The following GTF3C3 variants were observed in gnomAD, a reference collection of about 807,000 sequenced individuals.
GTF3C3 encodes general transcription factor IIIC subunit 3.
Under a neutral mutation model 105.2 loss-of-function variants are expected in GTF3C3, and 75 were observed. That is an observed-to-expected ratio of 0.71 (90% CI 0.59 to 0.86). The LOEUF (loss-of-function observed/expected upper bound fraction) is 0.86, where lower values mean the gene tolerates loss of function less well. Ranked by LOEUF, GTF3C3 falls within the 40% of genes least tolerant of loss-of-function variation. The pLI, the probability that GTF3C3 is intolerant of heterozygous loss-of-function variation, is 0.00. For synonymous variants in GTF3C3, 335 were observed against 370.4 expected (o/e 0.90, Z 1.10); for missense variants, 856 against 1,076.5 (o/e 0.80, Z 2.87).
In GTF3C3 at chr2:196,766,735, G is replaced by T. The variant is rs760285841; in HGVS notation, c.2386-18C>A. 1.3e-6 allele frequency: 2 copies of T among 1,592,906 alleles called. No individual in the cohort carries two copies. The highest frequency in any genetic ancestry group is 1.7e-6 in the Non-Finnish European group (2 of 1,166,948). On this transcript the variant is annotated intron_variant, in intron 16 of 17. Transcript: ENST00000263956. The stretch of plus-strand genomic sequence containing the variant: ...GAAAAGCCCTAACCAAAAAGAAAAA[G>T]ATAATTCAATATTTCACTGATTTGA...
chr2:196,795,413 A>G (rs796872405), intron 2 of GTF3C3, among the ~76,000 whole-genome samples: 24 of 152,386 alleles, frequency 1.6e-4, no homozygotes, highest in African/African-American at 5.8e-4. Context: ...AATGAAGAAT[A>G]GATTTTAAAA....
At position 196,789,868 on chromosome 2, in the gene GTF3C3, AT is replaced by A. The variant is rs765507481; in HGVS notation, c.727+10del. On this transcript the variant is annotated intron_variant, in intron 5 of 17. Coordinates refer to ENST00000263956, the MANE Select transcript of GTF3C3 (RefSeq NM_012086.5). Reference sequence around the variant, plus strand: ...CTTGTAAAAGTGAAAAAAAAAAAAAATTTTAATTACCTTTTGTATAGCAAAA... The same window carrying A: ...CTTGTAAAAGTGAAAAAAAAAAAAAATTTAATTACCTTTTGTATAGCAAAA... 162 of 1,511,214 alleles carry A rather than the reference AT, an allele frequency of 1.1e-4. No homozygotes were observed. In the African/African-American group the frequency reaches 1.6e-3, roughly 15 times the overall value. The allele number at this position is 1,511,214 out of a possible 1,614,324, so 93.6% of individuals were successfully genotyped here. A position where few individuals can be genotyped will look rare whatever the true frequency, so the allele number is the denominator to read the frequency against.
intron 9 of GTF3C3, chr2:196,780,356 A>G: frequency 2.5e-6 from 3 of 1,201,814 alleles, no homozygotes; most frequent in Non-Finnish European, 3.2e-6. Context: ...ATTTTAAAAG[A>G]AAAATAAATT....
intron 16 of GTF3C3, among the ~76,000 whole-genome samples, chr2:196,767,168 C>T (rs1237102329): frequency 6.6e-6 from 1 of 152,170 alleles, no homozygotes; most frequent in Admixed American, 6.5e-5. Context: ...GTAAATTTTA[C>T]CTTTTATAAG....
At chr2:196,781,388 A>ATATATATAT (rs10522313) in intron 8 of GTF3C3, among the ~76,000 whole-genome samples, 1 of 126,028 alleles carries the variant, frequency 7.9e-6, no homozygotes, top group African/African-American at 2.9e-5. Context: ...ATATATATAT[A>ATATATATAT]AAATTAAATA....
chr2:196,765,419 A>C (rs533365941), intron 17 of GTF3C3, among the ~76,000 whole-genome samples: 2 of 152,178 alleles, frequency 1.3e-5, no homozygotes, highest in African/African-American at 4.8e-5. Flanking sequence ...TTTAATAAAC[A>C]ATCTCTTAGG....
intron 2 of GTF3C3, among the ~76,000 whole-genome samples, chr2:196,794,219 G>A (rs1285796785): frequency 2.6e-5 from 4 of 152,022 alleles, no homozygotes; most frequent in Admixed American, 6.6e-5. Flanking sequence ...CAACAGATGC[G>A]GTTCCTCTGC....
At position 196,781,358 on chromosome 2, in the gene GTF3C3, AT is replaced by A. The variant is rs1436563762; in HGVS notation, c.1115-697del. Among the ~76,000 whole-genome samples, 236 of 31,880 alleles carry A rather than the reference AT, an allele frequency of 7.4e-3. 2 individuals are homozygous for A. Among genetic ancestry groups the A allele is most frequent in the South Asian group, 0.015 (13 of 870 alleles). The allele number at this position is 31,880 out of a possible 152,430, so 20.9% of individuals were successfully genotyped here. On this transcript the variant is annotated intron_variant, in intron 8 of 17. Coordinates refer to ENST00000263956, the MANE Select transcript of GTF3C3 (RefSeq NM_012086.5). ...TGTTAAGGGGAAAAAAAAAAAAAAA[AT>A]ATATATATATATATATATATATATA...
intron 16 of GTF3C3, among the ~76,000 whole-genome samples, chr2:196,769,403 A>G (rs974164619): frequency 6.6e-6 from 1 of 152,244 alleles, no homozygotes; most frequent in Non-Finnish European, 1.5e-5. Context: ...GTAGTGAACA[A>G]TATTTCTGAT....
chr2:196,779,117 C>G, intron 9 of GTF3C3, 50 bp from the exon 10 acceptor site: 1 of 1,293,938 alleles, frequency 7.7e-7, no homozygotes, highest in African/African-American at 1.5e-5. Context: ...CAAACGTGCA[C>G]ATCTATCTAT....
rs1324156491 is a variant in GTF3C3 at position 196,786,906 on chromosome 2, A to T, written c.894-1318T>A. 6.6e-6 allele frequency among the ~76,000 whole-genome samples: 1 copy of T among 152,138 alleles called. No individual in the cohort carries two copies. Among genetic ancestry groups the T allele is most frequent in the Non-Finnish European group, 1.5e-5 (1 of 68,026 alleles). ...TCATTTTACGTGATCTATCTGCAAT[A>T]TCTCACACAGATGATCATCCCTCCT... On this transcript the variant is annotated intron_variant, in intron 6 of 17. Coordinates refer to ENST00000263956, the MANE Select transcript of GTF3C3 (RefSeq NM_012086.5). The surrounding 1 kb of genome is among the most constrained non-coding windows in gnomAD (Gnocchi z 4.2).
chr2:196,764,949 G>A (rs1300199428), intron 17 of GTF3C3, among the ~76,000 whole-genome samples: 1 of 152,020 alleles, frequency 6.6e-6, no homozygotes, highest in African/African-American at 2.4e-5. Flanking sequence ...GGATTTTAGA[G>A]TTAAAAAAGA....
intron 16 of GTF3C3, among the ~76,000 whole-genome samples, chr2:196,767,259 T>C (rs889647966): frequency 4.6e-5 from 7 of 152,188 alleles, no homozygotes; most frequent in Non-Finnish European, 8.8e-5. Context: ...TCAAAGACTA[T>C]GGAGAAACTA....
At chr2:196,768,151 G>A (rs1478341931) in intron 16 of GTF3C3, among the ~76,000 whole-genome samples, 1 of 152,092 alleles carries the variant, frequency 6.6e-6, no homozygotes, top group African/African-American at 2.4e-5. Context: ...CCGAGTAGCT[G>A]GGATTACAGG....
chr2:196,799,447 C>T, intron 1 of GTF3C3, 63 bp downstream of exon 1: 1 of 1,232,950 alleles, frequency 8.1e-7, no homozygotes, highest in Non-Finnish European at 1.2e-6. Flanking sequence ...CGTCTGGGTC[C>T]CCCACACCTA....
Position 196,764,565 on chromosome 2 carries a change from A to G in GTF3C3, c.2659T>C (p.Ter887GlnextTer14), listed in dbSNP as rs1342397337. ...GCTCTGTTCTCAGTTGCGGTGCTTT[A>G]TATAGAACAATAGGTATACAAAAGC... ...QTLLYTYCSI[*>Q] Residue 887 changes from the stop codon to glutamine, a stop_lost, in exon 18 of 18, where the codon TAA becomes CAA. Coordinates refer to ENST00000263956, the MANE Select transcript of GTF3C3 (RefSeq NM_012086.5). The G allele has an allele frequency of 1.2e-6, 2 of 1,613,778 alleles. No homozygotes were observed. Among genetic ancestry groups the G allele is most frequent in the Non-Finnish European group, 1.7e-6 (2 of 1,179,754 alleles).
At chr2:196,780,760 CCA>C (rs1210922198) in intron 8 of GTF3C3, 98 bp from the exon 9 acceptor site, 17 of 1,432,924 alleles carry the variant, frequency 1.2e-5, no homozygotes, top group Non-Finnish European at 1.6e-5. Flanking sequence ...GCAAATGATT[CCA>C]CAGTCAATTC....
At chr2:196,792,783 A>C (rs1464543435) in intron 3 of GTF3C3, among the ~76,000 whole-genome samples, 173 bp downstream of exon 3, 1 of 152,170 alleles carries the variant, frequency 6.6e-6, no homozygotes, top group Non-Finnish European at 1.5e-5. Flanking sequence ...GGCTATAATT[A>C]AGGTTTTACA....
chr2:196,783,310 T>TAAAC lies in GTF3C3; in HGVS notation c.1114+1543_1114+1546dup, dbSNP rs1699400178. ...AGGGAGGGAGGGAAGTAAAATATAT[T>TAAAC]AAACAACAAAATGATTATATCTACA... On this transcript the variant is annotated intron_variant, in intron 8 of 17. Coordinates refer to ENST00000263956, the MANE Select transcript of GTF3C3 (RefSeq NM_012086.5). Among the ~76,000 whole-genome samples, 3 of 151,884 alleles carry TAAAC rather than the reference T, an allele frequency of 2.0e-5. No individual in the cohort carries two copies. The South Asian group carries it at 6.2e-4, about 32-fold the overall frequency.
Sources: gnomAD v4.1 joint callset for allele counts (sites outside exome capture counted in the v4.1 genomes callset) on GRCh38, gnomAD v4.1.1 for gene constraint, Gnocchi (gnomAD v3.1) non-coding constraint, MANE v1.5 for transcripts, NCBI Gene and HGNC (gene_info 2026-07-23, HGNC 2026-07-21) for gene names.